The following RGPD2 variants were observed in gnomAD, a reference collection of about 807,000 sequenced individuals.
RGPD2 encodes the protein RANBP2-like and GRIP domain-containing protein 2.
In RGPD2, 2 loss-of-function variants were observed where a neutral mutation model predicts 36.0. The ratio of observed to expected loss-of-function variants is 0.06; its 90% confidence interval spans 0.02 to 0.17. The LOEUF (loss-of-function observed/expected upper bound fraction) is 0.17, where lower values mean the gene tolerates loss of function less well. Ranked by LOEUF, RGPD2 falls within the 10% of genes least tolerant of loss-of-function variation. The pLI, the probability that RGPD2 is intolerant of heterozygous loss-of-function variation, is 1.00. For missense variants in RGPD2, 40 were observed against 464.3 expected (o/e 0.09, Z 8.40); for synonymous variants, 19 against 163.8 (o/e 0.12, Z 6.75).
the RGPD2 span, among the ~76,000 whole-genome samples, chr2:87,884,011 C>CA: frequency 1.3e-5 from 2 of 151,974 alleles, no homozygotes; most frequent in Admixed American, 1.3e-4. Context: ...CTCAAGTGCA[C>CA]AAGGAACGTT....
At chr2:87,780,177 TAACA>T (rs1685335602) in intron 20 of RGPD2, among the ~76,000 whole-genome samples, 3 of 20,668 alleles carry the variant, frequency 1.5e-4, no homozygotes, top group African/African-American at 6.8e-4. Flanking sequence ...CTAGGAGAAA[TAACA>T]GTACACCGTA....
At chr2:87,854,754 C>T in the RGPD2 span, among the ~76,000 whole-genome samples, 1 of 151,946 alleles carries the variant, frequency 6.6e-6, no homozygotes, top group Non-Finnish European at 1.5e-5. Context: ...TATGAATGCA[C>T]CACAGTTTGT....
chr2:87,988,434 A>AC, the RGPD2 span, among the ~76,000 whole-genome samples: 2 of 124,554 alleles, frequency 1.6e-5, no homozygotes, highest in South Asian at 5.7e-4. Context: ...CAGAAAAAAA[A>AC]CATTAAATAT....
the RGPD2 span, among the ~76,000 whole-genome samples, chr2:87,882,680 G>C: frequency 6.6e-6 from 1 of 152,094 alleles, no homozygotes; most frequent in Non-Finnish European, 1.5e-5. Context: ...GATCAATTTG[G>C]GTAATATAAA....
chr2:87,943,337 C>T, the RGPD2 span, among the ~76,000 whole-genome samples: 5,222 of 148,556 alleles, frequency 0.035, 319 homozygotes, highest in African/African-American at 0.12. Context: ...TATTAATTTA[C>T]GTTCACTAAT....
At chr2:87,963,627 C>A in the RGPD2 span, among the ~76,000 whole-genome samples, 1 of 65,176 alleles carries the variant, frequency 1.5e-5, no homozygotes, top group Admixed American at 1.8e-4. Context: ...CTGCAGTGAG[C>A]TATGTTCACT....
At chr2:87,885,406 A>G in the RGPD2 span, among the ~76,000 whole-genome samples, 2 of 152,056 alleles carry the variant, frequency 1.3e-5, no homozygotes, top group Non-Finnish European at 2.9e-5. Context: ...GTACTCAGGA[A>G]TTAAAATTGA....
chr2:87,834,840 TAAG>T, the RGPD2 span, among the ~76,000 whole-genome samples: 1 of 151,642 alleles, frequency 6.6e-6, no homozygotes. Flanking sequence ...TTGAAACTTA[TAAG>T]AAGCAAAAGA....
At chr2:87,940,561 G>T in the RGPD2 span, among the ~76,000 whole-genome samples, 2 of 134,816 alleles carry the variant, frequency 1.5e-5, no homozygotes, top group South Asian at 2.6e-4. Context: ...AGTCTGCATG[G>T]CACTTAAGGG....
the RGPD2 span, chr2:87,972,914 C>G: frequency 6.2e-7 from 1 of 1,613,480 alleles, no homozygotes; most frequent in Admixed American, 1.7e-5. Flanking sequence ...GCTGCAACAA[C>G]AGCAGCGGCA....
the RGPD2 span, among the ~76,000 whole-genome samples, chr2:87,961,541 A>G: frequency 6.6e-6 from 1 of 151,598 alleles, no homozygotes; most frequent in East Asian, 2.0e-4. Context: ...TCTCTACTAA[A>G]AATACAAAAA....
At chr2:87,857,679 C>T in the RGPD2 span, among the ~76,000 whole-genome samples, 3 of 151,534 alleles carry the variant, frequency 2.0e-5, no homozygotes, top group Non-Finnish European at 4.4e-5. Flanking sequence ...TGTCTCACGC[C>T]TGTAATCTCA....
In RGPD2 at chr2:87,756,410, A is replaced by C. The variant is rs4522601; in HGVS notation, c.*982T>G. On this transcript the variant is annotated 3_prime_UTR_variant, in exon 23 of 23. Coordinates refer to ENST00000398146, the MANE Select transcript of RGPD2 (RefSeq NM_001078170.3). ...TCCCCCATCTAAAAACCCTTTCCCC[A>C]TTCTCTTACTCTGTCTCATCATGTA... is the stretch of plus-strand genomic sequence containing the variant. The C allele has an allele frequency of 0.22, 33,211 of 148,552 alleles. 254 individuals are homozygous for C. Among genetic ancestry groups the C allele is most frequent in the East Asian group, 0.37 (1,957 of 5,292 alleles). 9.2% of individuals were successfully genotyped at this position (148,552 alleles called of 1,614,324 possible).
At chr2:87,915,857 T>C in the RGPD2 span, among the ~76,000 whole-genome samples, 1 of 151,426 alleles carries the variant, frequency 6.6e-6, no homozygotes. Context: ...AGGGTATACA[T>C]AGCACTAATC....
chr2:87,943,181 T>C, the RGPD2 span, among the ~76,000 whole-genome samples: 1 of 99,486 alleles, frequency 1.0e-5, no homozygotes, highest in Non-Finnish European at 2.0e-5. Flanking sequence ...ACGTCCATAC[T>C]GTTTTCAATA....
the RGPD2 span, among the ~76,000 whole-genome samples, chr2:87,901,062 AT>A: frequency 3.1e-5 from 4 of 128,634 alleles, no homozygotes; most frequent in African/African-American, 1.0e-4. Context: ...TACTTTATAG[AT>A]ATCACCTCCA....
At chr2:87,975,100 A>C in the RGPD2 span, among the ~76,000 whole-genome samples, 1 of 152,102 alleles carries the variant, frequency 6.6e-6, no homozygotes, top group Admixed American at 6.5e-5. Context: ...CAATCATACC[A>C]GGCTCATTCC....
At chr2:87,943,882 A>G in the RGPD2 span, among the ~76,000 whole-genome samples, 4 of 152,174 alleles carry the variant, frequency 2.6e-5, no homozygotes, top group Admixed American at 2.6e-4. Flanking sequence ...TTCTTTTTCT[A>G]ATATATAATC....
At chr2:87,766,945 TG>T (rs1192671774) in intron 22 of RGPD2, 2 of 147,918 alleles carry the variant, frequency 1.4e-5, no homozygotes, top group African/African-American at 5.0e-5. Flanking sequence ...TTCAACAAAG[TG>T]TGCAAGCAGA....
Sources: allele counts gnomAD v4.1 joint callset (sites outside exome capture counted in the v4.1 genomes callset), GRCh38; gene constraint gnomAD v4.1.1; transcripts MANE v1.5; gene names NCBI Gene and HGNC (gene_info 2026-07-23, HGNC 2026-07-21).